The following ECI2 variants were observed in gnomAD, a reference collection of about 807,000 sequenced individuals.
ECI2 encodes the protein D3,D2-enoyl-CoA isomerase.
In ECI2, 27 loss-of-function variants were observed where a neutral mutation model predicts 38.4. The ratio of observed to expected loss-of-function variants is 0.70; its 90% CI spans 0.52 to 0.97. ECI2 has a LOEUF of 0.97. Ranked by LOEUF, ECI2 falls within the 50% of genes least tolerant of loss-of-function variation. The pLI is 0.00. For missense variants in ECI2, 470 were observed against 474.4 expected (o/e 0.99, Z 0.09); for synonymous variants, 168 against 172.0 (o/e 0.98, Z 0.18).
chr6:4,132,494 T>C (rs1773546720), intron 2 of ECI2, among the ~76,000 whole-genome samples: 1 of 152,084 alleles, frequency 6.6e-6, no homozygotes, highest in Non-Finnish European at 1.5e-5. Context: ...CCACACCTCT[T>C]CTGGGGCAAG....
At chr6:4,117,589 G>A in intron 8 of ECI2, 138 bp from the exon 9 acceptor site, 2 of 1,221,176 alleles carry the variant, frequency 1.6e-6, no homozygotes, top group South Asian at 3.4e-5. Context: ...GGGAGAAGCT[G>A]ATGACCTCAA....
At chr6:4,119,298 AAAACCATCTTTTCATGTG>A in intron 7 of ECI2, 23 bp from the exon 8 acceptor site, 1 of 1,547,400 alleles carries the variant, frequency 6.5e-7, no homozygotes, top group Non-Finnish European at 8.8e-7. Context: ...GAGAGAAAAG[AAAACCATCTTTTCATGTG>A]TGATTTTTTT....
Position 4,125,295 on chromosome 6 carries a change from G to C in ECI2, c.750C>G (p.Ser250=), listed in dbSNP as rs749602104. 1.9e-6 allele frequency: 3 copies of C among 1,614,134 alleles called. No homozygotes were observed. Among genetic ancestry groups the C allele is most frequent in the Non-Finnish European group, 2.5e-6 (3 of 1,180,032 alleles). ...CATCGAATAGCCCAAGGAGGGTGAC[G>C]GAGATGCCCACAGCTGGACCATTGA... The part of the protein sequence containing the change: ...AVVNGPAVGI[S]VTLLGLFDAV... The change falls in exon 7 of 10, where the codon TCC becomes TCG. Residue 250 remains serine, a synonymous_variant. Transcript: ENST00000380118.
intron 7 of ECI2, 142 bp downstream of exon 7, chr6:4,125,108 T>C: frequency 7.2e-7 from 1 of 1,379,838 alleles, no homozygotes; most frequent in East Asian, 2.3e-5. Context: ...ATCAGCCTAA[T>C]GCTTTGGGAA....
At chr6:4,129,266 C>T (rs1773378822) in intron 4 of ECI2, among the ~76,000 whole-genome samples, 1 of 152,122 alleles carries the variant, frequency 6.6e-6, no homozygotes, top group African/African-American at 2.4e-5. Context: ...GTGCGCACCA[C>T]CATGCCCAGC....
intron 4 of ECI2, 107 bp downstream of exon 4, chr6:4,130,265 A>C: frequency 1.9e-6 from 3 of 1,613,480 alleles, no homozygotes; most frequent in Middle Eastern, 3.3e-4. Context: ...CAAATCAAAC[A>C]AGAGATATCT....
intron 7 of ECI2, 131 bp downstream of exon 7, chr6:4,125,119 A>C: frequency 6.9e-7 from 1 of 1,448,596 alleles, no homozygotes; most frequent in Non-Finnish European, 9.4e-7. Flanking sequence ...GCTTTGGGAA[A>C]AATCTAAATT....
Position 4,133,670 on chromosome 6 carries a change from A to G in ECI2, c.92T>C (p.Met31Thr), listed in dbSNP as rs1773598702. 1 of 1,613,100 alleles carries G rather than the reference A, an allele frequency of 6.2e-7. No homozygotes were observed. The highest frequency in any genetic ancestry group is 8.5e-7 in the Non-Finnish European group (1 of 1,179,748). Reference sequence around the variant, plus strand: ...ACTGGCTCTCATTGCTGTTCTATTCATGTGCAGCTGAACTACCGGGAAACT... The same window carrying G: ...ACTGGCTCTCATTGCTGTTCTATTCGTGTGCAGCTGAACTACCGGGAAACT... ...VTSFPVVQLH[M>T]NRTAMRASQK... Residue 31 changes from methionine (M) to threonine (T), a missense_variant, in exon 2 of 10, where the codon ATG becomes ACG. Transcript: ENST00000380118.
rs1262727086 is a variant in ECI2, at chr6:4,133,606, G to A, written c.156C>T (p.Leu52=). The change falls in exon 2 of 10, where the codon CTC becomes CTT. Residue 52 remains leucine (L), a synonymous_variant. Coordinates refer to ENST00000380118, the MANE Select transcript of ECI2 (RefSeq NM_206836.3). ...CTTCGTTTCCTGGATCCTTTTTCAAGAGTTTCACTTGATTCATTGAATTTT... is the reference window on the plus strand; with the variant it reads ...CTTCGTTTCCTGGATCCTTTTTCAAAAGTTTCACTTGATTCATTGAATTTT... The part of the protein sequence containing the change: ...DFENSMNQVK[L]LKKDPGNEVK... 44 of 1,613,810 alleles carry A rather than the reference G, an allele frequency of 2.7e-5. No homozygotes were observed. Among genetic ancestry groups the A allele is most frequent in the Non-Finnish European group, 3.7e-5 (44 of 1,179,920 alleles).
chr6:4,125,858 C>T, intron 6 of ECI2: 1 of 538,950 alleles, frequency 1.9e-6, no homozygotes, highest in Non-Finnish European at 3.4e-6. Flanking sequence ...AATTCCTCTG[C>T]CTCAGTGCAA....
At chr6:4,134,845 C>T (rs1017020359) in intron 1 of ECI2, among the ~76,000 whole-genome samples, 7 of 152,138 alleles carry the variant, frequency 4.6e-5, no homozygotes, top group African/African-American at 1.7e-4. Context: ...TTAAATAAAG[C>T]GTGAGTTTTA....
intron 9 of ECI2, among the ~76,000 whole-genome samples, chr6:4,117,085 C>G (rs755431041): frequency 6.6e-6 from 1 of 151,556 alleles, no homozygotes; most frequent in Non-Finnish European, 1.5e-5. Context: ...GAATTGCCCT[C>G]TGTCCCCACA....
chr6:4,129,919 C>A (rs569755015), intron 4 of ECI2, among the ~76,000 whole-genome samples: 5 of 151,984 alleles, frequency 3.3e-5, no homozygotes, highest in Admixed American at 6.6e-5. Context: ...TACTTTAAAG[C>A]GGAGCTGGGT....
At chr6:4,116,073 C>A (rs749244754) in intron 9 of ECI2, 44 bp from the exon 10 acceptor site, 1 of 1,586,080 alleles carries the variant, frequency 6.3e-7, no homozygotes, top group East Asian at 2.2e-5. Context: ...TTGACCTAGG[C>A]TGGACGTGGA....
intron 2 of ECI2, among the ~76,000 whole-genome samples, chr6:4,131,811 G>A (rs1250677412): frequency 1.3e-5 from 2 of 152,026 alleles, no homozygotes; most frequent in East Asian, 3.9e-4. Context: ...GAGCTGAGAT[G>A]GTGCCGCTGC....
At chr6:4,127,658 C>G in intron 5 of ECI2, 104 bp downstream of exon 5, 2 of 1,158,232 alleles carry the variant, frequency 1.7e-6, no homozygotes, top group East Asian at 5.0e-5. Context: ...CGGGAGCCAC[C>G]TGCCTCGGCC....
chr6:4,120,262 G>C (rs895442292), intron 7 of ECI2, among the ~76,000 whole-genome samples: 2 of 152,194 alleles, frequency 1.3e-5, no homozygotes, highest in African/African-American at 4.8e-5. Flanking sequence ...TTGTCATTGT[G>C]CCAATATCAT....
intron 1 of ECI2, among the ~76,000 whole-genome samples, chr6:4,134,467 G>A (rs573275771): frequency 7.8e-4 from 118 of 152,248 alleles, no homozygotes; most frequent in African/African-American, 2.5e-3. Flanking sequence ...GGGTGGGGTG[G>A]CAAACTTGAA....
At position 4,115,919 on chromosome 6, in the gene ECI2, G is replaced by A. The variant is rs1341033330; in HGVS notation, c.1140C>T (p.Cys380=). ...ATAAGAAGTTCACCACAGCATTTGTGCATTCATCTGATAGCCATCTTCCCT... is the reference window on the plus strand; with the variant it reads ...ATAAGAAGTTCACCACAGCATTTGTACATTCATCTGATAGCCATCTTCCCT... The part of the protein sequence containing the change: ...VLQGRWLSDE[C]TNAVVNFLSR... The change falls in exon 10 of 10, where the codon TGC becomes TGT. Residue 380 remains cysteine, a synonymous_variant. Coordinates refer to ENST00000380118, the MANE Select transcript of ECI2 (RefSeq NM_206836.3). 1.2e-5 allele frequency: 19 copies of A among 1,614,114 alleles called. No individual in the cohort carries two copies. In the South Asian group the frequency reaches 2.0e-4, roughly 17 times the overall value.
Sources: allele counts gnomAD v4.1 joint callset (sites outside exome capture counted in the v4.1 genomes callset), GRCh38; gene constraint gnomAD v4.1.1; transcripts MANE v1.5; gene names NCBI Gene and HGNC (gene_info 2026-07-23, HGNC 2026-07-21).